Variants in SLC36A4 observed in about 807,000 individuals in gnomAD.
SLC36A4 encodes the protein neutral amino acid uniporter 4.
A neutral mutation model predicts 50.5 loss-of-function variants in SLC36A4; 49 were observed. The observed-to-expected ratio is 0.97, with a 90% confidence interval of 0.77 to 1.23. The LOEUF is 1.23. SLC36A4 is among the 50% of genes most tolerant of loss of function. The pLI is 0.00. For missense variants in SLC36A4, 611 were observed against 608.4 expected (o/e 1.00, Z -0.05); for synonymous variants, 207 against 206.5 (o/e 1.00, Z -0.02).
At position 93,147,350 on chromosome 11, in the gene SLC36A4, G is replaced by A. The variant is rs1859875983; in HGVS notation, c.*1187C>T. 2 of 152,050 alleles carry A rather than the reference G, an allele frequency of 1.3e-5. No homozygotes were observed. The highest frequency in any genetic ancestry group is 4.1e-4 in the South Asian group (2 of 4,826). 9.4% of individuals were successfully genotyped at this position (152,050 alleles called of 1,614,324 possible). A position where few individuals can be genotyped will look rare whatever the true frequency, so the allele number is the denominator to read the frequency against. On this transcript the variant is annotated 3_prime_UTR_variant, in exon 11 of 11. Transcript: ENST00000326402. Reference sequence around the variant, plus strand: ...ATAAGAAAAGCCACAGGGCTGGAAAGAGTCCACAAATCCTCCGTTTTCTGA... The same window carrying A: ...ATAAGAAAAGCCACAGGGCTGGAAAAAGTCCACAAATCCTCCGTTTTCTGA...
rs1860960896 is a variant in SLC36A4, at chr11:93,168,016, T to C, written c.696A>G (p.Leu232=). 4.3e-6 allele frequency: 7 copies of C among 1,612,546 alleles called. No individual in the cohort carries two copies. Among genetic ancestry groups the C allele is most frequent in the Non-Finnish European group, 5.1e-6 (6 of 1,179,176 alleles). The change falls in exon 7 of 11, where the codon CTA becomes CTG. Residue 232 remains leucine, a synonymous_variant. Coordinates refer to ENST00000326402, the MANE Select transcript of SLC36A4 (RefSeq NM_152313.4). ...CGTTGGCAAGGAATGAAAGTACAAATAGATTCTTTAGTTCACGAATGAAGA... is the reference window on the plus strand; with the variant it reads ...CGTTGGCAAGGAATGAAAGTACAAACAGATTCTTTAGTTCACGAATGAAGA... ...LLVFIRELKN[L]FVLSFLANVS... is the part of the protein sequence containing the mutation.
chr11:93,194,362 T>A lies in SLC36A4; in HGVS notation c.55+3416A>T, dbSNP rs547873532. Among the ~76,000 whole-genome samples, 3 of 98,578 alleles carry A rather than the reference T, an allele frequency of 3.0e-5. No homozygotes were observed. The South Asian group carries it at 1.2e-3, about 40-fold the overall frequency. The allele number at this position is 98,578 out of a possible 152,430, so 64.7% of individuals were successfully genotyped here. On this transcript the variant is annotated intron_variant, in intron 1 of 10. Coordinates refer to ENST00000326402, the MANE Select transcript of SLC36A4 (RefSeq NM_152313.4). Reference sequence around the variant, plus strand: ...TTTCATTTTTTAAAATAACATAATATTGTCACCCGAATAAAGTACTCTCTA... The same window carrying A: ...TTTCATTTTTTAAAATAACATAATAATGTCACCCGAATAAAGTACTCTCTA...
chr11:93,171,849 T>A (rs891159999), intron 6 of SLC36A4: 11 of 152,132 alleles, frequency 7.2e-5, no homozygotes, highest in African/African-American at 2.4e-4. Context: ...AAGGACATCA[T>A]CTATAACAAG....
chr11:93,169,185 A>G (rs566241787), intron 6 of SLC36A4, among the ~76,000 whole-genome samples: 59 of 152,250 alleles, frequency 3.9e-4, no homozygotes, highest in Non-Finnish European at 7.4e-4. Flanking sequence ...GTACTGAACT[A>G]CATGCTTTAT....
At chr11:93,148,881 A>G (rs1253437222) in intron 10 of SLC36A4, 37 bp from the exon 11 acceptor site, 8 of 1,547,170 alleles carry the variant, frequency 5.2e-6, no homozygotes, top group Non-Finnish European at 7.0e-6. Context: ...TCTTATTTAA[A>G]TGTTTGTTAC....
chr11:93,159,904 G>A (rs1860542005), intron 9 of SLC36A4: 1 of 985,186 alleles, frequency 1.0e-6, no homozygotes, highest in Non-Finnish European at 1.2e-6. Flanking sequence ...GCCCTTTACA[G>A]CTTTTCATAG....
rs1859862486 is a variant in SLC36A4, at chr11:93,147,014, G to GT, written c.*1522dup. 3 of 152,094 alleles carry GT rather than the reference G, an allele frequency of 2.0e-5. 1 individual carries two copies. In the South Asian group the frequency reaches 6.2e-4, roughly 32 times the overall value. 9.4% of individuals were successfully genotyped at this position (152,094 alleles called of 1,614,324 possible). On this transcript the variant is annotated 3_prime_UTR_variant, in exon 11 of 11. Transcript: ENST00000326402. ...TTTTTAAGAGTTGGGATCTCCCTCT[G>GT]TAACTCAGGCTGGTGTGCAGTGGCA...
At position 93,162,697 on chromosome 11, in the gene SLC36A4, T is replaced by G. The variant is rs749423804; in HGVS notation, c.1037+9A>C. On this transcript the variant is annotated intron_variant, in intron 9 of 10. Coordinates refer to ENST00000326402, the MANE Select transcript of SLC36A4 (RefSeq NM_152313.4). ...ATAAACTAATATTGACAAATTCATA[T>G]ACACCTACCATACATCTTGGGGAAG... The G allele has an allele frequency of 1.3e-6, 2 of 1,590,528 alleles. No homozygotes were observed. Among genetic ancestry groups the G allele is most frequent in the East Asian group, 4.5e-5 (2 of 44,626 alleles).
intron 10 of SLC36A4, among the ~76,000 whole-genome samples, chr11:93,149,088 A>T (rs1590924702): frequency 3.3e-5 from 5 of 152,116 alleles, no homozygotes; most frequent in Admixed American, 3.3e-4. Flanking sequence ...TTATGTAAAC[A>T]ACTTTTAATT....
At chr11:93,189,833 A>C (rs149129545) in intron 1 of SLC36A4, among the ~76,000 whole-genome samples, 1 of 152,332 alleles carries the variant, frequency 6.6e-6, no homozygotes, top group East Asian at 1.9e-4. Flanking sequence ...ATGAACTCTA[A>C]ATGATGTTTA....
At chr11:93,171,673 T>C (rs990382767) in intron 6 of SLC36A4, 2 of 152,034 alleles carry the variant, frequency 1.3e-5, no homozygotes, top group Non-Finnish European at 2.9e-5. Context: ...ATAGATACAG[T>C]ACTACCATGT....
intron 8 of SLC36A4, 141 bp from the exon 9 acceptor site, chr11:93,163,016 C>T (rs1431209994): frequency 1.1e-4 from 69 of 618,486 alleles, no homozygotes; most frequent in Non-Finnish European, 1.8e-4. Flanking sequence ...TTGAAGTACA[C>T]TTCCATTGCT....
At chr11:93,152,531 T>G (rs1860142122) in intron 10 of SLC36A4, 1 of 152,090 alleles carries the variant, frequency 6.6e-6, no homozygotes, top group East Asian at 1.9e-4. Context: ...TTTAATGACT[T>G]TTAACTAAAA....
At chr11:93,196,038 T>G (rs1206366268) in intron 1 of SLC36A4, among the ~76,000 whole-genome samples, 1 of 152,226 alleles carries the variant, frequency 6.6e-6, no homozygotes, top group Admixed American at 6.5e-5. Flanking sequence ...ACAGGAATTT[T>G]TATCTGTTTT....
intron 8 of SLC36A4, among the ~76,000 whole-genome samples, chr11:93,163,514 T>C (rs1393362384): frequency 1.3e-5 from 2 of 152,212 alleles, no homozygotes; most frequent in African/African-American, 4.8e-5. Flanking sequence ...GGACTGGTAT[T>C]GTAGGTTTTA....
intron 6 of SLC36A4, among the ~76,000 whole-genome samples, chr11:93,172,715 G>A (rs894415231): frequency 5.2e-5 from 7 of 134,292 alleles, no homozygotes; most frequent in East Asian, 4.4e-4. Flanking sequence ...TTGTTCTTGC[G>A]ATAGTTTACT....
intron 1 of SLC36A4, among the ~76,000 whole-genome samples, chr11:93,191,828 T>G (rs1862229287): frequency 6.6e-6 from 1 of 152,134 alleles, no homozygotes; most frequent in African/African-American, 2.4e-5. Flanking sequence ...CTCACAAAAT[T>G]TACTGGTTTC....
chr11:93,181,581 G>T, intron 5 of SLC36A4, 110 bp downstream of exon 5: 1 of 834,354 alleles, frequency 1.2e-6, no homozygotes, highest in Non-Finnish European at 1.7e-6. Context: ...GGTTACATAT[G>T]TTTATTCCCC....
intron 8 of SLC36A4, among the ~76,000 whole-genome samples, chr11:93,163,290 C>T (rs533343100): frequency 6.6e-6 from 1 of 152,278 alleles, no homozygotes; most frequent in South Asian, 2.1e-4. Context: ...CTGCAAATTT[C>T]ATTTGGATTT....
Sources: allele counts gnomAD v4.1 joint callset (sites outside exome capture counted in the v4.1 genomes callset), GRCh38; gene constraint gnomAD v4.1.1; transcripts MANE v1.5; gene names NCBI Gene and HGNC (gene_info 2026-07-23, HGNC 2026-07-21).